Variants in POT1 observed in about 807,000 individuals in gnomAD.
POT1 encodes the protein protection of telomeres protein 1.
Under a neutral mutation model 78.5 loss-of-function variants are expected in POT1, and 47 were observed. The ratio of observed to expected loss-of-function variants is 0.60; its 90% CI spans 0.47 to 0.76. The LOEUF (loss-of-function observed/expected upper bound fraction) is 0.76. Among genes scored for constraint, POT1 ranks in the 30% least tolerant of loss-of-function variants. The probability of loss-of-function intolerance (pLI) is 0.00; values close to 1 mark genes in which losing one functional copy is unlikely to be tolerated. For synonymous variants in POT1, 259 were observed against 260.7 expected (o/e 0.99, Z 0.06); for missense variants, 646 against 749.9 (o/e 0.86, Z 1.62).
rs758492251 is a variant in POT1, at chr7:124,853,157, G to T, written c.703-19C>A. On this transcript the variant is annotated intron_variant, in intron 9 of 18. Transcript: ENST00000357628. ...TTCCAACCTAAAAAATAGATCATTTGTTATTTAGAAAGTGGGGAAAAATTA... is the reference window on the plus strand; with the variant it reads ...TTCCAACCTAAAAAATAGATCATTTTTTATTTAGAAAGTGGGGAAAAATTA... 6.6e-7 allele frequency: 1 copy of T among 1,523,614 alleles called. No homozygotes were observed. The highest frequency in any genetic ancestry group is 1.2e-5 in the South Asian group (1 of 82,402). 94.4% of individuals were successfully genotyped at this position (1,523,614 alleles called of 1,614,324 possible). A position where few individuals can be genotyped will look rare whatever the true frequency, so the allele number is the denominator to read the frequency against.
intron 13 of POT1, among the ~76,000 whole-genome samples, chr7:124,842,046 C>A (rs1396955657): frequency 1.3e-5 from 2 of 151,944 alleles, no homozygotes; most frequent in African/African-American, 4.8e-5. Flanking sequence ...CAGATACTCA[C>A]AATTTATAAG....
chr7:124,891,780 C>T (rs1403078510), intron 6 of POT1, among the ~76,000 whole-genome samples: 4 of 146,510 alleles, frequency 2.7e-5, no homozygotes, highest in Non-Finnish European at 4.5e-5. Flanking sequence ...TAATTGCATA[C>T]AAAAACTCTA....
At chr7:124,853,408 T>C (rs774129290) in intron 9 of POT1, 61 of 243,440 alleles carry the variant, frequency 2.5e-4, no homozygotes, top group Non-Finnish European at 4.1e-4. Flanking sequence ...GATATTTCCA[T>C]TTCAGATCTA....
chr7:124,853,140 T>TA lies in POT1; in HGVS notation c.703-3dup, dbSNP rs1584765789. On this transcript the variant is annotated splice_polypyrimidine_tract_variant and splice_region_variant and intron_variant, in intron 9 of 18. Coordinates refer to ENST00000357628, the MANE Select transcript of POT1 (RefSeq NM_015450.3). The stretch of plus-strand genomic sequence containing the variant: ...ATAGATTCTAAGAAAGCTTCCAACC[T>TA]AAAAAATAGATCATTTGTTATTTAG... 1 of 1,554,776 alleles carries TA rather than the reference T, an allele frequency of 6.4e-7. No individual in the cohort carries two copies. The highest frequency in any genetic ancestry group is 2.3e-5 in the East Asian group (1 of 44,416).
intron 7 of POT1, among the ~76,000 whole-genome samples, chr7:124,866,869 G>T (rs1350165798): frequency 6.6e-6 from 1 of 152,140 alleles, no homozygotes; most frequent in Admixed American, 6.6e-5. Context: ...ACAGAAGTTC[G>T]CTCTGCAGAT....
intron 7 of POT1, among the ~76,000 whole-genome samples, chr7:124,863,878 A>G (rs1302807673): frequency 6.6e-6 from 1 of 152,096 alleles, no homozygotes; most frequent in Non-Finnish European, 1.5e-5. Flanking sequence ...ATTCACTTAC[A>G]TTTTTTAAAG....
intron 9 of POT1, among the ~76,000 whole-genome samples, chr7:124,854,130 A>T (rs890271791): frequency 6.6e-6 from 1 of 152,034 alleles, no homozygotes; most frequent in African/African-American, 2.4e-5. Context: ...AATACTTGAA[A>T]ACAGAAGTGT....
intron 9 of POT1, among the ~76,000 whole-genome samples, chr7:124,856,225 CAAG>C (rs1220475166): frequency 1.1e-4 from 17 of 152,058 alleles, no homozygotes; most frequent in African/African-American, 4.1e-4. Flanking sequence ...TTGAAAGTAC[CAAG>C]AAGAATTCAT....
intron 3 of POT1, among the ~76,000 whole-genome samples, chr7:124,915,141 T>C (rs1044703610): frequency 2.0e-5 from 3 of 152,182 alleles, no homozygotes; most frequent in Non-Finnish European, 2.9e-5. Context: ...ATATACTTAG[T>C]AGTCAGTAGT....
intron 3 of POT1, among the ~76,000 whole-genome samples, chr7:124,901,218 C>A (rs1303193239): frequency 6.6e-6 from 1 of 152,170 alleles, no homozygotes; most frequent in Non-Finnish European, 1.5e-5. Flanking sequence ...GTCCCTGACC[C>A]CTGAGTAGAC....
At chr7:124,829,206 C>T (rs368032398) in intron 16 of POT1, 48 bp downstream of exon 16, 6 of 1,281,252 alleles carry the variant, frequency 4.7e-6, no homozygotes, top group East Asian at 4.6e-5. Flanking sequence ...GGTGAAATAA[C>T]CTTGTAAACA....
intron 12 of POT1, among the ~76,000 whole-genome samples, chr7:124,843,673 T>C (rs1795086914): frequency 6.6e-6 from 1 of 152,214 alleles, no homozygotes; most frequent in Non-Finnish European, 1.5e-5. Context: ...CAGTTTTTAC[T>C]GGGAAAAAGT....
At chr7:124,826,278 C>A (rs548610409) in intron 17 of POT1, among the ~76,000 whole-genome samples, 2 of 152,260 alleles carry the variant, frequency 1.3e-5, no homozygotes, top group South Asian at 4.2e-4. Flanking sequence ...GGGGAGAGGA[C>A]AACTATAAGT....
chr7:124,857,368 G>A (rs938408090), intron 9 of POT1, among the ~76,000 whole-genome samples: 2 of 152,198 alleles, frequency 1.3e-5, no homozygotes, highest in African/African-American at 4.8e-5. Flanking sequence ...GAAGAGGGCA[G>A]GTCCCCAGCA....
chr7:124,878,637 T>C (rs1044882548), intron 6 of POT1, among the ~76,000 whole-genome samples: 6 of 152,012 alleles, frequency 3.9e-5, no homozygotes, highest in Non-Finnish European at 5.9e-5. Context: ...ATTAAAACAA[T>C]AAATAATCCC....
At chr7:124,861,710 T>C (rs1795602323) in intron 8 of POT1, among the ~76,000 whole-genome samples, 1 of 152,182 alleles carries the variant, frequency 6.6e-6, no homozygotes, top group South Asian at 2.1e-4. Context: ...TTGCCTAGGT[T>C]TTCTTCTAGG....
chr7:124,871,899 T>C (rs1199801762), intron 6 of POT1, among the ~76,000 whole-genome samples: 1 of 152,142 alleles, frequency 6.6e-6, no homozygotes, highest in Non-Finnish European at 1.5e-5. Context: ...ACATCCATTT[T>C]CTTAGCATTT....
intron 3 of POT1, among the ~76,000 whole-genome samples, chr7:124,903,694 T>C (rs917633090): frequency 2.0e-5 from 3 of 151,632 alleles, no homozygotes; most frequent in Admixed American, 6.6e-5. Context: ...CTGAAGGAGA[T>C]AGAGACACAA....
At chr7:124,920,391 A>G (rs573473039) in intron 2 of POT1, among the ~76,000 whole-genome samples, 1 of 152,300 alleles carries the variant, frequency 6.6e-6, no homozygotes, top group Admixed American at 6.5e-5. Flanking sequence ...CAGTGTCAGG[A>G]AATTGGTAAG....
Sources: allele counts gnomAD v4.1 joint callset (sites outside exome capture counted in the v4.1 genomes callset), GRCh38; gene constraint gnomAD v4.1.1; transcripts MANE v1.5; gene names NCBI Gene and HGNC (gene_info 2026-07-23, HGNC 2026-07-21).